Variants in PARP8 observed in about 807,000 individuals in gnomAD.
The protein encoded by PARP8 is poly(ADP-ribose) polymerase family member 8, also known as protein mono-ADP-ribosyltransferase PARP8.
A neutral mutation model predicts 124.1 loss-of-function variants in PARP8; 51 were observed. That is an observed-to-expected ratio of 0.41 (90% CI 0.33 to 0.52). PARP8 has a LOEUF of 0.52. PARP8 is among the 20% of genes least tolerant of loss of function. PARP8 has a pLI of 0.21. For missense variants in PARP8, 860 were observed against 1,018.9 expected, an observed-to-expected ratio of 0.84 and a Z score of 2.12; for synonymous variants, 391 against 361.5, an observed-to-expected ratio of 1.08 and a Z score of -0.93.
intron 2 of PARP8, among the ~76,000 whole-genome samples, chr5:50,724,205 T>G (rs1393038858): frequency 6.6e-6 from 1 of 152,142 alleles, no homozygotes; most frequent in Non-Finnish European, 1.5e-5. Context: ...TTATATTATA[T>G]GCCTTTCCTT....
intron 14 of PARP8, among the ~76,000 whole-genome samples, 153 bp from the exon 15 acceptor site, chr5:50,815,279 T>G (rs1306287307): frequency 6.6e-6 from 1 of 152,194 alleles, no homozygotes. Context: ...TACCTAAATT[T>G]AAGAATTTAT....
chr5:50,805,399 A>G (rs1214520402), intron 14 of PARP8, among the ~76,000 whole-genome samples: 1 of 152,016 alleles, frequency 6.6e-6, no homozygotes, highest in Non-Finnish European at 1.5e-5. Flanking sequence ...TGGTTTAGGT[A>G]CTTTTGCTTT....
intron 2 of PARP8, among the ~76,000 whole-genome samples, chr5:50,719,786 G>A (rs983696143): frequency 6.6e-6 from 1 of 152,000 alleles, no homozygotes; most frequent in African/African-American, 2.4e-5. Flanking sequence ...AATAAAGAGA[G>A]AAGTTATAAA....
chr5:50,740,840 A>G (rs1350457119), intron 2 of PARP8, among the ~76,000 whole-genome samples: 2 of 151,854 alleles, frequency 1.3e-5, no homozygotes, highest in Non-Finnish European at 2.9e-5. Flanking sequence ...AAGATTATAT[A>G]TTTGATATTC....
At chr5:50,775,484 C>T (rs556370504) in intron 7 of PARP8, among the ~76,000 whole-genome samples, 27 of 151,986 alleles carry the variant, frequency 1.8e-4, no homozygotes, top group African/African-American at 6.3e-4. Flanking sequence ...GAGCCCGAGG[C>T]AGGGAGGTTG....
At chr5:50,778,466 T>C (rs1740284361) in intron 8 of PARP8, 94 bp from the exon 9 acceptor site, 4 of 1,040,076 alleles carry the variant, frequency 3.8e-6, no homozygotes, top group Non-Finnish European at 2.8e-6. Flanking sequence ...GTTATATGCA[T>C]TTTGCGAACA....
At chr5:50,752,124 T>TA (rs879332684) in intron 3 of PARP8, among the ~76,000 whole-genome samples, 5 of 152,162 alleles carry the variant, frequency 3.3e-5, no homozygotes, top group East Asian at 1.9e-4. Flanking sequence ...AGCTTTTTTT[T>TA]AAAAAAAATG....
intron 2 of PARP8, among the ~76,000 whole-genome samples, chr5:50,733,948 C>T (rs1251585886): frequency 1.3e-5 from 2 of 152,116 alleles, no homozygotes; most frequent in African/African-American, 4.8e-5. Context: ...GTTGTCTTGT[C>T]TTATGTATAG....
In PARP8 at chr5:50,826,809, T is replaced by C. The variant is rs776109934; in HGVS notation, c.1977+6T>C. ...TGAAACTGCCAGTTAACAGGGTAAG[T>C]TGTTTTTTTTTTTTTTACATATGCA... is the stretch of plus-strand genomic sequence containing the variant. On this transcript the variant is annotated splice_donor_region_variant and intron_variant, in intron 19 of 25. Coordinates refer to ENST00000281631, the MANE Select transcript of PARP8 (RefSeq NM_024615.4). 7 of 1,574,998 alleles carry C rather than the reference T, an allele frequency of 4.4e-6. No individual in the cohort carries two copies. The highest frequency in any genetic ancestry group is 3.5e-5 in the South Asian group (3 of 84,582).
In PARP8 at chr5:50,843,641, C is replaced by T. The variant is rs939248593; in HGVS notation, c.*1573C>T. On this transcript the variant is annotated 3_prime_UTR_variant, in exon 26 of 26. Transcript: ENST00000281631. The stretch of plus-strand genomic sequence containing the variant: ...AGCATTGATCTGTTTTGACTTGTGG[C>T]TCTGAACCCTGGGCTAGGCTGAGGG... 5.3e-5 allele frequency: 8 copies of T among 151,628 alleles called. No individual in the cohort carries two copies. The highest frequency in any genetic ancestry group is 1.9e-4 in the African/African-American group (8 of 41,316). 9.4% of individuals were successfully genotyped at this position (151,628 alleles called of 1,614,324 possible).
At chr5:50,816,061 T>TA (rs1470418262) in intron 15 of PARP8, among the ~76,000 whole-genome samples, 1 of 151,812 alleles carries the variant, frequency 6.6e-6, no homozygotes, top group African/African-American at 2.4e-5. Flanking sequence ...AAGAAAACTC[T>TA]AAAAAATTAA....
At position 50,792,902 on chromosome 5, in the gene PARP8, GAGTT is replaced by G. The variant is rs561183403; in HGVS notation, c.738-1300_738-1297del. ...TAAGTGATATACTTTCTGGCGATCTGAGTTAGTTTGTTAAGACCTGAAGGATCCT... is the reference window on the plus strand; with the variant it reads ...TAAGTGATATACTTTCTGGCGATCTGAGTTTGTTAAGACCTGAAGGATCCT... On this transcript the variant is annotated intron_variant, in intron 10 of 25. Transcript: ENST00000281631. Among the ~76,000 whole-genome samples the G allele has an allele frequency of 3.7e-3, 569 of 152,262 alleles. 2 individuals are homozygous for G. Among genetic ancestry groups the G allele is most frequent in the Middle Eastern group, 6.8e-3 (2 of 294 alleles).
intron 3 of PARP8, among the ~76,000 whole-genome samples, chr5:50,753,751 T>C (rs1467767816): frequency 6.6e-6 from 1 of 151,920 alleles, no homozygotes; most frequent in Non-Finnish European, 1.5e-5. Flanking sequence ...ATCAATATAA[T>C]TTTTTTAGAG....
chr5:50,675,262 C>G (rs202188702), intron 2 of PARP8, among the ~76,000 whole-genome samples: 9 of 152,278 alleles, frequency 5.9e-5, no homozygotes, highest in East Asian at 3.9e-4. Flanking sequence ...TGTCAACTAA[C>G]TCTGAAGTGC....
chr5:50,737,667 G>A (rs1757608521), intron 2 of PARP8, among the ~76,000 whole-genome samples: 1 of 152,002 alleles, frequency 6.6e-6, no homozygotes, highest in South Asian at 2.1e-4. Flanking sequence ...TTGGATCTTG[G>A]GTCAACATTC....
chr5:50,733,361 TG>T (rs1482775658), intron 2 of PARP8, among the ~76,000 whole-genome samples: 2 of 152,210 alleles, frequency 1.3e-5, no homozygotes, highest in South Asian at 2.1e-4. Context: ...TGGTGCCTAT[TG>T]GGCAGCTTGA....
At chr5:50,744,251 G>A (rs2149539463) in intron 2 of PARP8, among the ~76,000 whole-genome samples, 1 of 152,264 alleles carries the variant, frequency 6.6e-6, no homozygotes, top group East Asian at 1.9e-4. Flanking sequence ...ATGAACTTGG[G>A]AGTTCAGACC....
At chr5:50,768,494 C>T (rs1470226226) in intron 7 of PARP8, among the ~76,000 whole-genome samples, 1 of 151,982 alleles carries the variant, frequency 6.6e-6, no homozygotes, top group Non-Finnish European at 1.5e-5. Context: ...CTTTTCAGAC[C>T]AGAATGAAGC....
intron 2 of PARP8, among the ~76,000 whole-genome samples, chr5:50,684,141 C>G (rs58942547): frequency 6.6e-6 from 1 of 152,084 alleles, no homozygotes; most frequent in Non-Finnish European, 1.5e-5. Flanking sequence ...ATTAATCTTT[C>G]TTCTCAGTCT....
Sources: gnomAD v4.1 joint callset for allele counts (sites outside exome capture counted in the v4.1 genomes callset) on GRCh38, gnomAD v4.1.1 for gene constraint, MANE v1.5 for transcripts, NCBI Gene and HGNC (gene_info 2026-07-23, HGNC 2026-07-21) for gene names.